Variants in SYT9 observed in about 807,000 individuals in gnomAD.
SYT9 encodes the protein synaptotagmin 9, also known as synaptotagmin-9.
A neutral mutation model predicts 48.4 loss-of-function variants in SYT9; 22 were observed. That is an observed-to-expected ratio of 0.45 (90% confidence interval 0.32 to 0.65). The LOEUF (loss-of-function observed/expected upper bound fraction) is 0.65, where lower values mean the gene tolerates loss of function less well. Ranked by LOEUF, SYT9 falls within the 30% of genes least tolerant of loss-of-function variation. SYT9 has a pLI of 0.03. For missense variants in SYT9, 577 were observed against 622.0 expected (o/e 0.93, Z 0.77); for synonymous variants, 265 against 245.0 (o/e 1.08, Z -0.76).
chr11:7,248,693 A>C (rs1350045466), upstream of SYT9, among the ~76,000 whole-genome samples: 1 of 152,226 alleles, frequency 6.6e-6, no homozygotes, highest in African/African-American at 2.4e-5. Flanking sequence ...TGACACAAAC[A>C]AATGGAAACA....
At chr11:7,399,840 A>T (rs1846849054) in intron 3 of SYT9, among the ~76,000 whole-genome samples, 2 of 152,254 alleles carry the variant, frequency 1.3e-5, no homozygotes, top group Non-Finnish European at 2.9e-5. Context: ...TTACCAGTCC[A>T]TTATTATGCT....
intron 3 of SYT9, among the ~76,000 whole-genome samples, chr11:7,404,530 C>G (rs981626623): frequency 6.6e-6 from 1 of 152,130 alleles, no homozygotes; most frequent in Non-Finnish European, 1.5e-5. Flanking sequence ...TACTGGCTAA[C>G]TTGAAGTGAT....
chr11:7,303,133 T>C lies in SYT9; in HGVS notation c.240T>C (p.Val80=), dbSNP rs1169905771. Residue 80 remains valine, a synonymous_variant, in exon 2 of 7, where the codon GTT becomes GTC. Coordinates refer to ENST00000318881, the MANE Select transcript of SYT9 (RefSeq NM_175733.4). ...SLFVSWKLCW[V]PWRERGLPSG... ...TCGTATCTTGGAAACTCTGCTGGGT[T>C]CCGTGGCGAGAACGAGGCCTGCCCT... is the stretch of plus-strand genomic sequence containing the variant. 2.5e-6 allele frequency: 4 copies of C among 1,614,198 alleles called. No individual in the cohort carries two copies. In the South Asian group the frequency reaches 4.4e-5, roughly 18 times the overall value.
intron 3 of SYT9, among the ~76,000 whole-genome samples, chr11:7,364,482 A>T (rs938982439): frequency 2.0e-5 from 3 of 152,246 alleles, no homozygotes; most frequent in Non-Finnish European, 4.4e-5. Flanking sequence ...TTCTATAGAT[A>T]AAGAAACAAA....
intron 1 of SYT9, among the ~76,000 whole-genome samples, chr11:7,257,876 C>T (rs1848003968): frequency 6.6e-6 from 1 of 152,072 alleles, no homozygotes; most frequent in Non-Finnish European, 1.5e-5. Context: ...GTGGTTTAGT[C>T]ATGAGGTAAT....
intron 1 of SYT9, among the ~76,000 whole-genome samples, chr11:7,282,346 T>G (rs1163630639): frequency 6.6e-6 from 1 of 152,184 alleles, no homozygotes; most frequent in Non-Finnish European, 1.5e-5. Context: ...CATGCTCTCT[T>G]CAAGCCAAGT....
chr11:7,435,964 G>A (rs1442926940), intron 6 of SYT9: 1 of 151,506 alleles, frequency 6.6e-6, no homozygotes, highest in Non-Finnish European at 1.5e-5. Flanking sequence ...CTGGGCAACA[G>A]AGCCAGACTT....
intron 2 of SYT9, among the ~76,000 whole-genome samples, chr11:7,312,864 T>G: frequency 6.6e-6 from 1 of 152,228 alleles, no homozygotes; most frequent in East Asian, 1.9e-4. Context: ...CATTTTTGCA[T>G]GAGCAAAAGC....
intron 6 of SYT9, among the ~76,000 whole-genome samples, chr11:7,423,458 G>A (rs1564898713): frequency 6.6e-6 from 1 of 152,170 alleles, no homozygotes; most frequent in Non-Finnish European, 1.5e-5. Context: ...CCACTCACTA[G>A]ATGTTTGTTT....
intron 1 of SYT9, among the ~76,000 whole-genome samples, chr11:7,296,097 A>T (rs1449078173): frequency 6.6e-6 from 1 of 152,196 alleles, no homozygotes; most frequent in East Asian, 1.9e-4. Context: ...GAGATACCTC[A>T]TGAAAAAAAC....
At chr11:7,404,925 C>G (rs1339737332) in intron 3 of SYT9, among the ~76,000 whole-genome samples, 1 of 152,118 alleles carries the variant, frequency 6.6e-6, no homozygotes, top group Non-Finnish European at 1.5e-5. Flanking sequence ...AGAGAATTCA[C>G]ATCAGCTTGC....
intron 3 of SYT9, among the ~76,000 whole-genome samples, chr11:7,321,382 A>G (rs1022959200): frequency 1.3e-5 from 2 of 152,228 alleles, no homozygotes; most frequent in African/African-American, 2.4e-5. Context: ...CAGGGGGAAT[A>G]TAAGTATTCA....
intron 3 of SYT9, among the ~76,000 whole-genome samples, chr11:7,412,421 T>C (rs1229744869): frequency 6.6e-6 from 1 of 152,200 alleles, no homozygotes; most frequent in Non-Finnish European, 1.5e-5. Flanking sequence ...AATAGCGTAG[T>C]TTCTGTATGA....
intron 3 of SYT9, among the ~76,000 whole-genome samples, chr11:7,413,939 G>T (rs1013216791): frequency 6.6e-6 from 1 of 151,990 alleles, no homozygotes; most frequent in Non-Finnish European, 1.5e-5. Context: ...CTTTTGCCTG[G>T]TTTACATTCT....
At chr11:7,285,038 C>G (rs369684243) in intron 1 of SYT9, among the ~76,000 whole-genome samples, 168 of 152,248 alleles carry the variant, frequency 1.1e-3, no homozygotes, top group African/African-American at 3.9e-3. Context: ...CAAACAAAAA[C>G]TCAGCATGAG....
intron 6 of SYT9, chr11:7,457,041 T>A (rs751116716): frequency 7.2e-5 from 11 of 152,164 alleles, no homozygotes; most frequent in Non-Finnish European, 1.5e-4. Flanking sequence ...CAAGATCGAG[T>A]TCCCTACCTT....
chr11:7,251,109 C>CACACACACACACAA (rs1334747579), upstream of SYT9, among the ~76,000 whole-genome samples: 3 of 148,708 alleles, frequency 2.0e-5, no homozygotes, highest in Admixed American at 6.6e-5. Context: ...GACACACACA[C>CACACACACACACAA]ACACACACAC....
intron 3 of SYT9, among the ~76,000 whole-genome samples, chr11:7,368,326 C>G (rs1052389517): frequency 1.4e-5 from 2 of 144,386 alleles, no homozygotes; most frequent in Non-Finnish European, 3.0e-5. Context: ...ATAGCCAGAT[C>G]TGACATTTGG....
At chr11:7,251,767 C>G (rs1847870851), upstream of SYT9, among the ~76,000 whole-genome samples, 1 of 152,128 alleles carries the variant, frequency 6.6e-6, no homozygotes, top group African/African-American at 2.4e-5. Flanking sequence ...AGCCAAGTCT[C>G]GCGCTCGGCC....
Sources: allele counts gnomAD v4.1 joint callset (sites outside exome capture counted in the v4.1 genomes callset), GRCh38; gene constraint gnomAD v4.1.1; transcripts MANE v1.5; gene names NCBI Gene and HGNC (gene_info 2026-07-23, HGNC 2026-07-21).